Variants in GNAI1 observed in about 807,000 individuals in gnomAD.
The protein encoded by GNAI1 is G protein subunit alpha i1, also known as guanine nucleotide-binding protein G(i) subunit alpha-1.
In GNAI1, 11 loss-of-function variants were observed where a neutral mutation model predicts 38.9. That is an observed-to-expected ratio of 0.28 (90% CI 0.18 to 0.47). The LOEUF is 0.47. Among genes scored for constraint, GNAI1 ranks in the 20% least tolerant of loss-of-function variants. The probability of loss-of-function intolerance (pLI) is 0.99; values close to 1 mark genes in which losing one functional copy is unlikely to be tolerated. For synonymous variants in GNAI1, 166 were observed against 145.1 expected, an observed-to-expected ratio of 1.14 and a Z score of -1.04; for missense variants, 317 against 436.9, an observed-to-expected ratio of 0.73 and a Z score of 2.45.
At chr7:80,178,020 A>T (rs1788221343) in intron 1 of GNAI1, among the ~76,000 whole-genome samples, 1 of 152,240 alleles carries the variant, frequency 6.6e-6, no homozygotes, top group Admixed American at 6.5e-5. Context: ...TAACATTAAC[A>T]GGCATTTGAA....
chr7:80,158,437 C>T (rs191509134), intron 1 of GNAI1, among the ~76,000 whole-genome samples: 2 of 152,290 alleles, frequency 1.3e-5, no homozygotes, highest in African/African-American at 2.4e-5. Context: ...ATAATCTTCA[C>T]GTGGGAGGGA....
Position 80,216,345 on chromosome 7 carries a change from A to AT in GNAI1, c.875-957dup, listed in dbSNP as rs1253881193. Among the ~76,000 whole-genome samples the AT allele has an allele frequency of 7.2e-5, 11 of 152,082 alleles. No individual in the cohort carries two copies. The East Asian group carries it at 2.1e-3, about 29-fold the overall frequency. On this transcript the variant is annotated intron_variant, in intron 7 of 7. Coordinates refer to ENST00000649796, the MANE Select transcript of GNAI1 (RefSeq NM_002069.6). ...CTCCCCACAACACACACATAACACA[A>AT]TCACAACCCATACACATAGTAATCA... is the stretch of plus-strand genomic sequence containing the variant.
chr7:80,199,945 GT>G (rs1331885836), intron 4 of GNAI1, among the ~76,000 whole-genome samples: 9 of 152,128 alleles, frequency 5.9e-5, no homozygotes, highest in Non-Finnish European at 1.3e-4. Flanking sequence ...TTTAAGTACA[GT>G]TTTTTGGAAG....
intron 7 of GNAI1, among the ~76,000 whole-genome samples, chr7:80,216,194 C>A (rs1298087195): frequency 2.0e-5 from 3 of 150,630 alleles, no homozygotes; most frequent in Admixed American, 6.6e-5. Flanking sequence ...TACACACACA[C>A]CCTCAGCATA....
intron 7 of GNAI1, among the ~76,000 whole-genome samples, chr7:80,214,747 C>G (rs1274644212): frequency 1.3e-5 from 2 of 152,176 alleles, no homozygotes; most frequent in African/African-American, 2.4e-5. Flanking sequence ...CTTGATTTAT[C>G]TCCTGTCTGT....
chr7:80,135,368 G>T, intron 1 of GNAI1, 90 bp downstream of exon 1: 1 of 735,778 alleles, frequency 1.4e-6, no homozygotes, highest in East Asian at 3.4e-5. Context: ...CGGAGGGAAG[G>T]GGGAGGAAGC....
At chr7:80,184,090 G>A (rs1345345620) in intron 1 of GNAI1, among the ~76,000 whole-genome samples, 3 of 152,118 alleles carry the variant, frequency 2.0e-5, no homozygotes, top group Non-Finnish European at 4.4e-5. Flanking sequence ...CGGAGGGGGA[G>A]GACTCCTCTG....
intron 5 of GNAI1, among the ~76,000 whole-genome samples, chr7:80,205,698 T>C (rs1788763414): frequency 6.6e-6 from 1 of 151,996 alleles, no homozygotes; most frequent in Non-Finnish European, 1.5e-5. Flanking sequence ...ATCCCCACAA[T>C]ACCAAACAGA....
At chr7:80,210,406 A>C (rs184786931) in intron 5 of GNAI1, among the ~76,000 whole-genome samples, 5 of 152,064 alleles carry the variant, frequency 3.3e-5, no homozygotes, top group Admixed American at 3.3e-4. Context: ...TTTTTATGCA[A>C]ACCTACCCTA....
chr7:80,164,112 T>G (rs1247898372), intron 1 of GNAI1, among the ~76,000 whole-genome samples: 1 of 148,520 alleles, frequency 6.7e-6, no homozygotes, highest in African/African-American at 2.5e-5. Context: ...TGGCGTGATC[T>G]TGGCTCACTG....
At chr7:80,139,510 A>G (rs1010683148) in intron 1 of GNAI1, among the ~76,000 whole-genome samples, 5 of 152,036 alleles carry the variant, frequency 3.3e-5, no homozygotes, top group African/African-American at 9.7e-5. Context: ...TGCCCAGCCT[A>G]TTTTCCTACT....
intron 1 of GNAI1, among the ~76,000 whole-genome samples, chr7:80,180,167 A>G (rs1788264342): frequency 1.3e-5 from 2 of 152,210 alleles, no homozygotes; most frequent in Non-Finnish European, 2.9e-5. Flanking sequence ...TGAGCTTTAG[A>G]CAAAGCAGTA....
intron 3 of GNAI1, among the ~76,000 whole-genome samples, chr7:80,192,589 G>A (rs1788500876): frequency 6.6e-6 from 1 of 152,104 alleles, no homozygotes; most frequent in Non-Finnish European, 1.5e-5. Context: ...ATGTTGTAGG[G>A]TTGTGAGGAA....
At chr7:80,150,328 T>C (rs775273675) in intron 1 of GNAI1, among the ~76,000 whole-genome samples, 4 of 152,100 alleles carry the variant, frequency 2.6e-5, no homozygotes, top group Non-Finnish European at 5.9e-5. Context: ...TAAATGAGGG[T>C]ATATACTGAA....
At chr7:80,137,653 C>T (rs1583998865) in intron 1 of GNAI1, among the ~76,000 whole-genome samples, 2 of 152,256 alleles carry the variant, frequency 1.3e-5, no homozygotes, top group South Asian at 4.2e-4. Flanking sequence ...GTACTGGTAC[C>T]ATTGGAAATA....
chr7:80,226,122 T>C lies in GNAI1; in HGVS notation c.*8629T>C, dbSNP rs902922144. Among the ~76,000 whole-genome samples, 1 of 152,162 alleles carries C rather than the reference T, an allele frequency of 6.6e-6. No homozygotes were observed. Among genetic ancestry groups the C allele is most frequent in the African/African-American group, 2.4e-5 (1 of 41,454 alleles). ...AGAAAAAAAAAGACTAGATTTTATA[T>C]CAACTTAATTGTCTTTTGGTTTAAA... On this transcript the variant is annotated 3_prime_UTR_variant, in exon 8 of 8. Transcript: ENST00000649796.
chr7:80,164,048 T>C (rs1447691406), intron 1 of GNAI1, among the ~76,000 whole-genome samples: 1 of 144,902 alleles, frequency 6.9e-6, no homozygotes, highest in East Asian at 2.0e-4. Context: ...TCTTTTTTTT[T>C]TTTTTTTTTT....
rs1210888333 is a variant in GNAI1 at position 80,134,891 on chromosome 7, G to A, written c.-270G>A. On this transcript the variant is annotated 5_prime_UTR_variant, in exon 1 of 8. Transcript: ENST00000649796. ...CACCGGCGGGAGTGCAGCGGCCACT[G>A]TACCCAGAGATTCAAAACCCCAAAC... The A allele has an allele frequency of 6.2e-5, 19 of 305,374 alleles. No homozygotes were observed. The East Asian group carries it at 6.8e-4, about 11-fold the overall frequency. 18.9% of individuals were successfully genotyped at this position (305,374 alleles called of 1,614,324 possible).
At chr7:80,205,595 T>C (rs1197043271) in intron 5 of GNAI1, among the ~76,000 whole-genome samples, 6 of 152,166 alleles carry the variant, frequency 3.9e-5, no homozygotes, top group Non-Finnish European at 5.9e-5. Context: ...TTGTGATTTT[T>C]TTTTAAGATT....
Sources: gnomAD v4.1 joint callset for allele counts (sites outside exome capture counted in the v4.1 genomes callset) on GRCh38, gnomAD v4.1.1 for gene constraint, MANE v1.5 for transcripts, NCBI Gene and HGNC (gene_info 2026-07-23, HGNC 2026-07-21) for gene names.